The following PDE4D variants were observed in gnomAD, a reference collection of about 807,000 sequenced individuals.
PDE4D encodes phosphodiesterase 4D.
In PDE4D, 24 loss-of-function variants were observed where a neutral mutation model predicts 87.4. The observed-to-expected ratio is 0.27, with a 90% CI of 0.20 to 0.39. The LOEUF (loss-of-function observed/expected upper bound fraction) is 0.39, where lower values mean the gene tolerates loss of function less well. Ranked by LOEUF, PDE4D falls within the 10% of genes least tolerant of loss-of-function variation. PDE4D has a pLI of 1.00. For synonymous variants in PDE4D, 384 were observed against 383.2 expected, an observed-to-expected ratio of 1.00 and a Z score of -0.02; for missense variants, 714 against 1,041.0, an observed-to-expected ratio of 0.69 and a Z score of 4.32.
chr5:59,137,587 C>G (rs957940035), intron 5 of PDE4D, among the ~76,000 whole-genome samples: 45 of 148,158 alleles, frequency 3.0e-4, no homozygotes, highest in Admixed American at 4.1e-4. Context: ...AGTGCAGTGG[C>G]GAGATCTCAG....
chr5:60,330,739 A>G (rs550209417), intron 1 of PDE4D, among the ~76,000 whole-genome samples: 1 of 152,246 alleles, frequency 6.6e-6, no homozygotes, highest in Non-Finnish European at 1.5e-5. Flanking sequence ...AGAAGCATAT[A>G]TGGTGTTTAT....
At chr5:59,811,062 G>C (rs1768297351) in intron 1 of PDE4D, among the ~76,000 whole-genome samples, 1 of 152,172 alleles carries the variant, frequency 6.6e-6, no homozygotes, top group Non-Finnish European at 1.5e-5. Context: ...GTGGAGTGAA[G>C]AGCTGGGACA....
chr5:59,590,164 G>T (rs1347957934), intron 1 of PDE4D, among the ~76,000 whole-genome samples: 1 of 152,048 alleles, frequency 6.6e-6, no homozygotes, highest in African/African-American at 2.4e-5. Context: ...ATTTATATTA[G>T]AAAGAGGGTC....
At chr5:60,033,865 C>G (rs1767508720) in intron 2 of PDE4D, among the ~76,000 whole-genome samples, 1 of 152,174 alleles carries the variant, frequency 6.6e-6, no homozygotes, top group African/African-American at 2.4e-5. Context: ...AGAGTTTGCT[C>G]TCAGTTTTTT....
chr5:59,461,196 GT>G (rs1800724138), intron 1 of PDE4D, among the ~76,000 whole-genome samples: 1 of 151,930 alleles, frequency 6.6e-6, no homozygotes, highest in South Asian at 2.1e-4. Flanking sequence ...AAAAAAGTTT[GT>G]TTAAAAGCAT....
At chr5:59,662,877 T>C (rs138878222) in intron 1 of PDE4D, among the ~76,000 whole-genome samples, 1 of 152,196 alleles carries the variant, frequency 6.6e-6, no homozygotes, top group African/African-American at 2.4e-5. Flanking sequence ...TTTTGTAAAT[T>C]GCAGCTATTT....
At chr5:59,981,117 T>A (rs933554566) in intron 3 of PDE4D, among the ~76,000 whole-genome samples, 2 of 152,090 alleles carry the variant, frequency 1.3e-5, no homozygotes, top group African/African-American at 4.8e-5. Context: ...CCTGGTGTGG[T>A]GGGACATGCC....
rs1438797466 is a variant in PDE4D, at chr5:60,386,098, T to C, written c.-90+101844A>G. Among the ~76,000 whole-genome samples, 5 of 152,138 alleles carry C rather than the reference T, an allele frequency of 3.3e-5. No homozygotes were observed. The East Asian group carries it at 9.6e-4, about 29-fold the overall frequency. Reference sequence around the variant, plus strand: ...TTAAATAATAATAATTCCTGAGTTATATATTATACAAAATAAATAATAAAT... The same window carrying C: ...TTAAATAATAATAATTCCTGAGTTACATATTATACAAAATAAATAATAAAT... On this transcript the variant is annotated intron_variant, in intron 1 of 16. Transcript: ENST00000502484.
chr5:59,516,759 G>A (rs1811228246), intron 1 of PDE4D, among the ~76,000 whole-genome samples: 1 of 151,784 alleles, frequency 6.6e-6, no homozygotes, highest in Non-Finnish European at 1.5e-5. Context: ...TATTTTTAAG[G>A]CTTAAATGTA....
intron 1 of PDE4D, among the ~76,000 whole-genome samples, chr5:59,451,253 A>C (rs573009006): frequency 1.5e-4 from 23 of 152,256 alleles, no homozygotes; most frequent in African/African-American, 5.1e-4. Flanking sequence ...GTCTCTGTTC[A>C]TGTCTTTCAT....
At chr5:60,294,148 T>C (rs921180651) in intron 1 of PDE4D, among the ~76,000 whole-genome samples, 1 of 152,208 alleles carries the variant, frequency 6.6e-6, no homozygotes, top group African/African-American at 2.4e-5. Context: ...GTGGTATTTC[T>C]TTGTGGTTGT....
At chr5:59,022,936 C>T (rs10065498) in intron 6 of PDE4D, among the ~76,000 whole-genome samples, 24 of 152,026 alleles carry the variant, frequency 1.6e-4, no homozygotes, top group African/African-American at 5.3e-4. Flanking sequence ...AACACTTTGG[C>T]GGGCCAAGGT....
At chr5:60,462,150 T>C in intron 1 of PDE4D, among the ~76,000 whole-genome samples, 1 of 152,160 alleles carries the variant, frequency 6.6e-6, no homozygotes. Context: ...CATACCCACC[T>C]GCAGGGACAA....
chr5:59,181,891 T>C (rs1741682624), intron 4 of PDE4D, among the ~76,000 whole-genome samples: 1 of 152,144 alleles, frequency 6.6e-6, no homozygotes, highest in Admixed American at 6.5e-5. Context: ...CTCACATATG[T>C]GCCAATGGCA....
At chr5:59,850,008 G>A (rs1744434900) in intron 1 of PDE4D, among the ~76,000 whole-genome samples, 1 of 151,972 alleles carries the variant, frequency 6.6e-6, no homozygotes, top group African/African-American at 2.4e-5. Context: ...GAAAGGAAGA[G>A]GGGGGCAAAA....
chr5:60,302,021 G>C lies in PDE4D; in HGVS notation c.-89-116334C>G, dbSNP rs186562900. Among the ~76,000 whole-genome samples the C allele has an allele frequency of 7.1e-3, 1,081 of 152,248 alleles. 16 individuals carry two copies. The highest frequency in any genetic ancestry group is 0.025 in the African/African-American group (1,019 of 41,542). On this transcript the variant is annotated intron_variant, in intron 1 of 16. Transcript: ENST00000502484. ...TACAACCTTGCATCCCAGAGATGAAGCCAACTTGATCATGGTGGATAAGCT... is the reference window on the plus strand; with the variant it reads ...TACAACCTTGCATCCCAGAGATGAACCCAACTTGATCATGGTGGATAAGCT...
intron 2 of PDE4D, among the ~76,000 whole-genome samples, chr5:60,145,988 C>T (rs751279407): frequency 2.2e-4 from 34 of 151,986 alleles, no homozygotes; most frequent in Non-Finnish European, 3.4e-4. Flanking sequence ...CTGAGGCAGG[C>T]GGGTCACCTG....
chr5:60,404,288 T>TA (rs202137915), intron 1 of PDE4D, among the ~76,000 whole-genome samples: 144 of 151,520 alleles, frequency 9.5e-4, no homozygotes, highest in South Asian at 9.4e-3. Flanking sequence ...ACTGCTTGGA[T>TA]AAAAAAAATC....
chr5:58,997,039 T>C (rs1369229253), intron 6 of PDE4D, among the ~76,000 whole-genome samples: 1 of 152,180 alleles, frequency 6.6e-6, no homozygotes, highest in Non-Finnish European at 1.5e-5. Flanking sequence ...CAACATTTCA[T>C]TTTAACATAA....
Sources: gnomAD v4.1 joint callset for allele counts (sites outside exome capture counted in the v4.1 genomes callset) on GRCh38, gnomAD v4.1.1 for gene constraint, MANE v1.5 for transcripts, NCBI Gene and HGNC (gene_info 2026-07-23, HGNC 2026-07-21) for gene names.